Variants in TRIT1 observed in about 807,000 individuals in gnomAD.
The protein encoded by TRIT1 is tRNA isopentenyltransferase 1.
A neutral mutation model predicts 51.2 loss-of-function variants in TRIT1; 43 were observed. That is an observed-to-expected ratio of 0.84 (90% CI 0.66 to 1.08). TRIT1 has a LOEUF of 1.08. TRIT1 is among the 50% of genes least tolerant of loss of function. The probability of loss-of-function intolerance (pLI) is 0.00; values close to 1 mark genes in which losing one functional copy is unlikely to be tolerated. For missense variants in TRIT1, 528 were observed against 578.4 expected (o/e 0.91, Z 0.89); for synonymous variants, 184 against 203.9 (o/e 0.90, Z 0.83).
chr1:39,849,005 CCT>C (rs1491562237), intron 5 of TRIT1, among the ~76,000 whole-genome samples: 1 of 152,040 alleles, frequency 6.6e-6, no homozygotes, highest in Non-Finnish European at 1.5e-5. Context: ...TGAAAAATTA[CCT>C]TTTTTATCAA....
intron 3 of TRIT1, among the ~76,000 whole-genome samples, chr1:39,853,374 T>C (rs1343982985): frequency 6.6e-6 from 1 of 151,724 alleles, no homozygotes; most frequent in Admixed American, 6.6e-5. Flanking sequence ...TCTAAAGAAT[T>C]ATACATATTT....
Position 39,841,619 on chromosome 1 carries a change from TG to T in TRIT1, c.*124del. 1 of 961,322 alleles carries T rather than the reference TG, an allele frequency of 1.0e-6. No individual in the cohort carries two copies. Among genetic ancestry groups the T allele is most frequent in the Non-Finnish European group, 1.5e-6 (1 of 672,288 alleles). The allele number at this position is 961,322 out of a possible 1,614,324, so 59.5% of individuals were successfully genotyped here. A position where few individuals can be genotyped will look rare whatever the true frequency, so the allele number is the denominator to read the frequency against. On this transcript the variant is annotated 3_prime_UTR_variant, in exon 11 of 11. Transcript: ENST00000316891. ...TTAAAACCACATCAAAAGAAAATGG[TG>T]GGAGCTTTTCTGCTATGCAGAGAAT...
rs1641847858 is a variant in TRIT1, at chr1:39,840,878, C to G, written c.*866G>C. On this transcript the variant is annotated 3_prime_UTR_variant, in exon 11 of 11. Transcript: ENST00000316891. ...ATAGATCTCCAATAAAAGACCCTCT[C>G]TAGATGTCTTCAAGGACTATAACGT... 6.6e-6 allele frequency: 1 copy of G among 152,272 alleles called. No homozygotes were observed. Among genetic ancestry groups the G allele is most frequent in the South Asian group, 2.1e-4 (1 of 4,830 alleles). 9.4% of individuals were successfully genotyped at this position (152,272 alleles called of 1,614,324 possible).
At position 39,852,853 on chromosome 1, in the gene TRIT1, T is replaced by C; in HGVS notation, c.438A>G (p.Lys146=). 6.2e-7 allele frequency: 1 copy of C among 1,614,204 alleles called. No homozygotes were observed. Among genetic ancestry groups the C allele is most frequent in the Non-Finnish European group, 8.5e-7 (1 of 1,180,038 alleles). ...CAAGCTCCACTTTTCGGTCAATCAC[T>C]TTCTCAGTGCCCATCTCCTGGGGCT... The part of the protein sequence containing the change: ...NTKPQEMGTE[K]VIDRKVELEK... The change falls in exon 4 of 11, where the codon AAA becomes AAG. Residue 146 remains lysine (K), a synonymous_variant. Coordinates refer to ENST00000316891, the MANE Select transcript of TRIT1 (RefSeq NM_017646.6).
chr1:39,875,260 T>C lies in TRIT1; in HGVS notation c.174+8058A>G, dbSNP rs546352936. ...ATTCCAACCCTTTGGGAGCCCGAGG[T>C]GGGCAGATCACGAGGTCAGGAGTTC... On this transcript the variant is annotated intron_variant, in intron 1 of 10. Coordinates refer to ENST00000316891, the MANE Select transcript of TRIT1 (RefSeq NM_017646.6). 2.0e-5 allele frequency among the ~76,000 whole-genome samples: 3 copies of C among 151,926 alleles called. 1 individual carries two copies. The highest frequency in any genetic ancestry group is 2.0e-4 in the Admixed American group (3 of 15,240).
At chr1:39,873,037 G>A (rs1174703072) in intron 1 of TRIT1, among the ~76,000 whole-genome samples, 3 of 152,034 alleles carry the variant, frequency 2.0e-5, no homozygotes, top group East Asian at 1.9e-4. Flanking sequence ...ACATATGTCC[G>A]CAAATTATTT....
At chr1:39,846,647 T>A (rs1254607648) in intron 8 of TRIT1, among the ~76,000 whole-genome samples, 1 of 152,188 alleles carries the variant, frequency 6.6e-6, no homozygotes, top group Non-Finnish European at 1.5e-5. Flanking sequence ...GAATAACACC[T>A]ACCTTGAAGA....
chr1:39,865,651 A>C (rs1643493855), intron 1 of TRIT1, among the ~76,000 whole-genome samples: 1 of 138,324 alleles, frequency 7.2e-6, no homozygotes, highest in African/African-American at 2.8e-5. Flanking sequence ...GCTGGGCAAC[A>C]TTGTGAGACT....
At chr1:39,855,918 T>G (rs891475445) in intron 2 of TRIT1, among the ~76,000 whole-genome samples, 1 of 152,048 alleles carries the variant, frequency 6.6e-6, no homozygotes, top group African/African-American at 2.4e-5. Flanking sequence ...TGGCTCACAC[T>G]TGTAATTCCA....
chr1:39,876,560 A>ATCTATC (rs1557585424), intron 1 of TRIT1, among the ~76,000 whole-genome samples: 11 of 118,080 alleles, frequency 9.3e-5, no homozygotes, highest in African/African-American at 2.9e-4. Context: ...ATCTATCTAT[A>ATCTATC]TATATATATG....
At chr1:39,861,557 AG>A (rs1468642875) in intron 1 of TRIT1, among the ~76,000 whole-genome samples, 1 of 152,212 alleles carries the variant, frequency 6.6e-6, no homozygotes, top group Non-Finnish European at 1.5e-5. Context: ...AAGTAATTCA[AG>A]TATCCATCCA....
At chr1:39,870,221 T>C (rs1280501929) in intron 1 of TRIT1, among the ~76,000 whole-genome samples, 1 of 152,182 alleles carries the variant, frequency 6.6e-6, no homozygotes, top group Admixed American at 6.5e-5. Flanking sequence ...CCCAACCCCG[T>C]GCTCTCTGAA....
At chr1:39,878,996 G>A (rs7527412) in intron 1 of TRIT1, among the ~76,000 whole-genome samples, 27,872 of 152,128 alleles carry the variant, frequency 0.18, 2,702 homozygotes, top group Non-Finnish European at 0.22. Context: ...CTGGCCTGGC[G>A]CAGTGGCTCA....
intron 1 of TRIT1, among the ~76,000 whole-genome samples, chr1:39,869,252 G>A (rs1004282463): frequency 1.3e-5 from 2 of 152,172 alleles, no homozygotes; most frequent in African/African-American, 2.4e-5. Context: ...GCAGGCGCAC[G>A]CCGCCACGCC....
intron 1 of TRIT1, among the ~76,000 whole-genome samples, chr1:39,870,134 G>C (rs1217684507): frequency 6.6e-6 from 1 of 152,212 alleles, no homozygotes; most frequent in Non-Finnish European, 1.5e-5. Flanking sequence ...GAAAGAAGTA[G>C]ACATGGGAGA....
rs754910642 is a variant in TRIT1, at chr1:39,857,149, T to G, written c.315+128A>C. The stretch of plus-strand genomic sequence containing the variant: ...CTTTCAGTCCATAGTCTGATGGGGA[T>G]GGCATCCATCAGTATTTAGGCCTTG... On this transcript the variant is annotated intron_variant, in intron 2 of 10. Coordinates refer to ENST00000316891, the MANE Select transcript of TRIT1 (RefSeq NM_017646.6). The G allele has an allele frequency of 2.8e-4, 284 of 1,021,702 alleles. 3 individuals are homozygous for G. The highest frequency in any genetic ancestry group is 1.1e-4 in the Admixed American group (4 of 35,548). The allele number at this position is 1,021,702 out of a possible 1,614,324, so 63.3% of individuals were successfully genotyped here.
chr1:39,841,856 G>A lies in TRIT1; in HGVS notation c.1292C>T (p.Ser431Leu). ...ACTTTCTATGGTGTTGACAGCATCTGAGTCCAATCTTCTTCTTTTCTTCAG... is the reference window on the plus strand; with the variant it reads ...ACTTTCTATGGTGTTGACAGCATCTAAGTCCAATCTTCTTCTTTTCTTCAG... ...NQLKKRRRLD[S>L]DAVNTIESQS... Residue 431 changes from serine (S) to leucine (L), a missense_variant, in exon 11 of 11, where the codon TCA (serine) becomes TTA (leucine). Ser to Leu is a moderately radical substitution (Grantham distance 145, BLOSUM62 -2). Around this residue, in one of 3 missense-constraint regions of TRIT1, gnomAD observed 468 missense variants for 522.6 expected, o/e 0.90. Coordinates refer to ENST00000316891, the MANE Select transcript of TRIT1 (RefSeq NM_017646.6). 4 of 1,614,078 alleles carry A rather than the reference G, an allele frequency of 2.5e-6. No homozygotes were observed. The highest frequency in any genetic ancestry group is 3.4e-6 in the Non-Finnish European group (4 of 1,179,976).
rs760617893 is a variant in TRIT1, at chr1:39,844,641, C to A, written c.1007-1G>T. On this transcript the variant is annotated splice_acceptor_variant, in intron 8 of 10. Coordinates refer to ENST00000316891, the MANE Select transcript of TRIT1 (RefSeq NM_017646.6). LOFTEE classifies it high-confidence loss of function. ...ACAGGGGGGACAATGGGACCAGGTC[C>A]TAATGATGACAAAGAAAGGTTGTGA... The A allele has an allele frequency of 1.2e-6, 2 of 1,608,120 alleles. No individual in the cohort carries two copies. Among genetic ancestry groups the A allele is most frequent in the Non-Finnish European group, 1.7e-6 (2 of 1,174,702 alleles).
chr1:39,850,349 GTTT>G lies in TRIT1; in HGVS notation c.561-91_561-89del, dbSNP rs1642488894. 3 of 1,491,548 alleles carry G rather than the reference GTTT, an allele frequency of 2.0e-6. No individual in the cohort carries two copies. The African/African-American group carries it at 4.2e-5, about 21-fold the overall frequency. 92.4% of individuals were successfully genotyped at this position (1,491,548 alleles called of 1,614,324 possible). A position where few individuals can be genotyped will look rare whatever the true frequency, so the allele number is the denominator to read the frequency against. On this transcript the variant is annotated intron_variant, in intron 4 of 10. Coordinates refer to ENST00000316891, the MANE Select transcript of TRIT1 (RefSeq NM_017646.6). ...CTCAAGTAAAACAAGGAGAAAGGCT[GTTT>G]ATTACAGAAAGCCTCTTTCTTGAAA...
Sources: allele counts gnomAD v4.1 joint callset (sites outside exome capture counted in the v4.1 genomes callset), GRCh38; gene constraint gnomAD v4.1.1; regional missense constraint gnomAD v4.1.1; transcripts MANE v1.5; gene names NCBI Gene and HGNC (gene_info 2026-07-23, HGNC 2026-07-21).